The following EIF2AK2 variants were observed in gnomAD, a reference collection of about 807,000 sequenced individuals.
EIF2AK2 encodes the protein eukaryotic translation initiation factor 2 alpha kinase 2.
EIF2AK2 carries 40 observed loss-of-function variants against 70.5 expected under a neutral mutation model. That is an observed-to-expected ratio of 0.57 (90% CI 0.44 to 0.74). The LOEUF (loss-of-function observed/expected upper bound fraction) is 0.74, where lower values mean the gene tolerates loss of function less well. Ranked by LOEUF, EIF2AK2 falls within the 30% of genes least tolerant of loss-of-function variation. The pLI is 0.00. For missense variants in EIF2AK2, 555 were observed against 644.3 expected, an observed-to-expected ratio of 0.86 and a Z score of 1.50; for synonymous variants, 198 against 220.9, an observed-to-expected ratio of 0.90 and a Z score of 0.92.
intron 1 of EIF2AK2, 87 bp from the exon 2 acceptor site, chr2:37,149,110 A>G: frequency 1.1e-6 from 1 of 895,950 alleles, no homozygotes; most frequent in South Asian, 1.3e-5. Context: ...AAGGTCTATG[A>G]TAGCCAGGGT....
At chr2:37,125,420 T>C (rs773034757) in intron 11 of EIF2AK2, among the ~76,000 whole-genome samples, 1 of 152,236 alleles carries the variant, frequency 6.6e-6, no homozygotes, top group South Asian at 2.1e-4. Flanking sequence ...TTAACCAATA[T>C]AACTTGATGG....
rs928204014 is a variant in EIF2AK2, at chr2:37,104,202, A to G, written c.*3071T>C. On this transcript the variant is annotated 3_prime_UTR_variant, in exon 17 of 17. Transcript: ENST00000233057. ...CAAAAAGACATTTTCTACATATACT[A>G]TTATCACACCTGAGAAAACAGTTAT... 6.6e-6 allele frequency: 1 copy of G among 151,948 alleles called. No homozygotes were observed. Among genetic ancestry groups the G allele is most frequent in the African/African-American group, 2.4e-5 (1 of 41,344 alleles). 9.4% of individuals were successfully genotyped at this position (151,948 alleles called of 1,614,324 possible).
intron 1 of EIF2AK2, chr2:37,149,335 G>A: frequency 2.6e-6 from 2 of 774,574 alleles, no homozygotes; most frequent in Non-Finnish European, 4.3e-6. Flanking sequence ...GGCCTTTAAA[G>A]GTCTTTATTT....
rs529542550 is a variant in EIF2AK2 at position 37,135,544 on chromosome 2, G to A, written c.725C>T (p.Ser242Phe). ...LRNNQRKAKRSLAPRFDLPDM... is the reference protein window; with the variant it reads ...LRNNQRKAKRFLAPRFDLPDM... ...AGGAAGGTCAAATCTGGGTGCCAAAGATCTAAAAATTAAGAGTTGAATGTA... is the reference window on the plus strand; with the variant it reads ...AGGAAGGTCAAATCTGGGTGCCAAAAATCTAAAAATTAAGAGTTGAATGTA... Residue 242 changes from serine to phenylalanine, a missense_variant and splice_region_variant, in exon 10 of 17, where the codon TCT becomes TTT. Ser to Phe is a radical substitution (Grantham distance 155, BLOSUM62 -2). Coordinates refer to ENST00000233057, the MANE Select transcript of EIF2AK2 (RefSeq NM_001135651.3). 37 of 1,609,782 alleles carry A rather than the reference G, an allele frequency of 2.3e-5. No homozygotes were observed. Among genetic ancestry groups the A allele is most frequent in the African/African-American group, 8.0e-5 (6 of 74,636 alleles).
At position 37,102,226 on chromosome 2, in the gene EIF2AK2, T is replaced by A. The variant is rs1300867902; in HGVS notation, c.*5047A>T. 1 of 151,912 alleles carries A rather than the reference T, an allele frequency of 6.6e-6. No individual in the cohort carries two copies. The highest frequency in any genetic ancestry group is 1.9e-4 in the East Asian group (1 of 5,182). 9.4% of individuals were successfully genotyped at this position (151,912 alleles called of 1,614,324 possible). A position where few individuals can be genotyped will look rare whatever the true frequency, so the allele number is the denominator to read the frequency against. ...CTGTACTCTGGCCTGGGTGACAGAG[T>A]GAGATCCTGTCTCTTAAAAAAAAAA... is the stretch of plus-strand genomic sequence containing the variant. On this transcript the variant is annotated 3_prime_UTR_variant, in exon 17 of 17. Coordinates refer to ENST00000233057, the MANE Select transcript of EIF2AK2 (RefSeq NM_001135651.3).
chr2:37,122,452 A>T lies in EIF2AK2; in HGVS notation c.1067+54T>A. The T allele has an allele frequency of 1.3e-6, 2 of 1,582,806 alleles. 1 individual carries two copies. The highest frequency in any genetic ancestry group is 2.3e-5 in the South Asian group (2 of 86,716). On this transcript the variant is annotated intron_variant, in intron 12 of 16. Transcript: ENST00000233057. Reference sequence around the variant, plus strand: ...CCTTATCCAGTGGCCCATACATAGTAAATAACAATTTCCTTCCATCCTATT... The same window carrying T: ...CCTTATCCAGTGGCCCATACATAGTTAATAACAATTTCCTTCCATCCTATT...
chr2:37,143,845 A>G (rs1573034557), intron 4 of EIF2AK2, among the ~76,000 whole-genome samples: 1 of 152,138 alleles, frequency 6.6e-6, no homozygotes, highest in East Asian at 1.9e-4. Context: ...TGATCATGCC[A>G]CTGCACTCCA....
intron 1 of EIF2AK2, among the ~76,000 whole-genome samples, chr2:37,152,824 A>G (rs1675793349): frequency 6.6e-6 from 1 of 152,214 alleles, no homozygotes. Context: ...AACTCAAAAT[A>G]TCCTGTACTG....
chr2:37,144,515 T>C (rs1203199780), intron 4 of EIF2AK2, among the ~76,000 whole-genome samples: 1 of 152,068 alleles, frequency 6.6e-6, no homozygotes, highest in Non-Finnish European at 1.5e-5. Context: ...AGGTGGAAGA[T>C]GGTGATGTAG....
At position 37,156,972 on chromosome 2, in the gene EIF2AK2, C is replaced by G. The variant is rs1675955484; in HGVS notation, c.-248G>C. On this transcript the variant is annotated 5_prime_UTR_variant, in exon 1 of 17. Transcript: ENST00000233057. ...ACCCGCGGCTTCGGGAGAGCTGGTT[C>G]TCAGTTTCGTTTTCCCCTTGGACTC... 5.4e-6 allele frequency: 1 copy of G among 184,660 alleles called. No homozygotes were observed. Among genetic ancestry groups the G allele is most frequent in the South Asian group, 1.2e-4 (1 of 8,424 alleles). 11.4% of individuals were successfully genotyped at this position (184,660 alleles called of 1,614,324 possible). A position where few individuals can be genotyped will look rare whatever the true frequency, so the allele number is the denominator to read the frequency against.
intron 2 of EIF2AK2, among the ~76,000 whole-genome samples, chr2:37,148,184 GA>G (rs1288273039): frequency 1.3e-5 from 2 of 151,792 alleles, no homozygotes; most frequent in African/African-American, 4.8e-5. Context: ...ATAAAGGAAA[GA>G]AAAAAAACTC....
chr2:37,109,412 T>TA (rs1674071031), intron 14 of EIF2AK2, 117 bp from the exon 15 acceptor site: 2 of 809,702 alleles, frequency 2.5e-6, no homozygotes, highest in East Asian at 5.5e-5. Context: ...AATGTCTATT[T>TA]ATTAGCAAAA....
At chr2:37,123,861 T>C (rs1674640183) in intron 11 of EIF2AK2, among the ~76,000 whole-genome samples, 1 of 152,182 alleles carries the variant, frequency 6.6e-6, no homozygotes. Flanking sequence ...GAATAATCAT[T>C]TTACAATTTT....
At chr2:37,146,275 G>A (rs1362271572) in intron 4 of EIF2AK2, among the ~76,000 whole-genome samples, 3 of 152,188 alleles carry the variant, frequency 2.0e-5, no homozygotes, top group African/African-American at 2.4e-5. Context: ...TTTGCCCAAT[G>A]AGGAAATTGC....
chr2:37,138,697 A>G (rs965620736), intron 6 of EIF2AK2, 112 bp from the exon 7 acceptor site: 1 of 817,406 alleles, frequency 1.2e-6, no homozygotes, highest in Non-Finnish European at 1.9e-6. Flanking sequence ...CAAATCCACA[A>G]CCATAAACAA....
chr2:37,100,403 T>TA lies in EIF2AK2; in HGVS notation c.*6869dup, dbSNP rs1470266398. The TA allele has an allele frequency of 6.6e-6, 1 of 152,200 alleles. No homozygotes were observed. Among genetic ancestry groups the TA allele is most frequent in the Non-Finnish European group, 1.5e-5 (1 of 68,028 alleles). The allele number at this position is 152,200 out of a possible 1,614,324, so 9.4% of individuals were successfully genotyped here. A position where few individuals can be genotyped will look rare whatever the true frequency, so the allele number is the denominator to read the frequency against. ...AACCACCAAGTTTGTGGTAATTTGTTAGTTATAGCAGCCATAAGAAATTAA... is the reference window on the plus strand; with the variant it reads ...AACCACCAAGTTTGTGGTAATTTGTTAAGTTATAGCAGCCATAAGAAATTAA... On this transcript the variant is annotated 3_prime_UTR_variant, in exon 17 of 17. Coordinates refer to ENST00000233057, the MANE Select transcript of EIF2AK2 (RefSeq NM_001135651.3).
chr2:37,113,420 G>A (rs1407924934), intron 14 of EIF2AK2, among the ~76,000 whole-genome samples: 5 of 150,564 alleles, frequency 3.3e-5, no homozygotes, highest in African/African-American at 7.4e-5. Context: ...GCTTGAACCC[G>A]GGAGGCAGAG....
chr2:37,123,844 T>C (rs888115871), intron 11 of EIF2AK2, among the ~76,000 whole-genome samples: 1 of 152,160 alleles, frequency 6.6e-6, no homozygotes, highest in Admixed American at 6.5e-5. Context: ...ATTTCAAAGA[T>C]GAGGAAGAAT....
chr2:37,129,511 G>A (rs528914261), intron 10 of EIF2AK2, among the ~76,000 whole-genome samples: 166 of 152,218 alleles, frequency 1.1e-3, no homozygotes, highest in African/African-American at 3.7e-3. Flanking sequence ...GAGGGTACCC[G>A]GCATCCTTCG....
Sources: allele counts gnomAD v4.1 joint callset (sites outside exome capture counted in the v4.1 genomes callset), GRCh38; gene constraint gnomAD v4.1.1; transcripts MANE v1.5; gene names NCBI Gene and HGNC (gene_info 2026-07-23, HGNC 2026-07-21).